SRPK2: variants seen among roughly 807,000 people sequenced by gnomAD.
SRPK2 encodes SFRS protein kinase 2.
Under a neutral mutation model 90.8 loss-of-function variants are expected in SRPK2, and 21 were observed. The observed-to-expected ratio is 0.23, with a 90% CI of 0.16 to 0.33. SRPK2 has a LOEUF of 0.33. Ranked by LOEUF, SRPK2 falls within the 10% of genes least tolerant of loss-of-function variation. The pLI is 1.00. For missense variants in SRPK2, 620 were observed against 869.0 expected (o/e 0.71, Z 3.60); for synonymous variants, 288 against 311.1 (o/e 0.93, Z 0.78).
chr7:105,396,123 C>T (rs1822314840), intron 1 of SRPK2, among the ~76,000 whole-genome samples: 1 of 151,876 alleles, frequency 6.6e-6, no homozygotes, highest in Non-Finnish European at 1.5e-5. Context: ...CCGTGTTGGA[C>T]AGGCTGGTCT....
chr7:105,267,975 G>A (rs1335515582), intron 2 of SRPK2, among the ~76,000 whole-genome samples: 1 of 152,006 alleles, frequency 6.6e-6, no homozygotes, highest in African/African-American at 2.4e-5. Context: ...GTATGCCCAG[G>A]AATCTCAATT....
rs1794348436 is a variant in SRPK2 at position 105,192,004 on chromosome 7, A to G, written c.229+11624T>C. Among the ~76,000 whole-genome samples, 3 of 150,168 alleles carry G rather than the reference A, an allele frequency of 2.0e-5. No homozygotes were observed. In the South Asian group the frequency reaches 6.3e-4, roughly 32 times the overall value. On this transcript the variant is annotated intron_variant, in intron 3 of 15. Transcript: ENST00000393651. ...GCTAGGATTACAGGTGTAAGCCACC[A>G]TGCCTGGTCCACTTATTCCTTTTAA...
At chr7:105,222,583 G>A (rs1798232715) in intron 2 of SRPK2, among the ~76,000 whole-genome samples, 1 of 152,168 alleles carries the variant, frequency 6.6e-6, no homozygotes, top group Non-Finnish European at 1.5e-5. Flanking sequence ...TATCTACTCT[G>A]AGCAGTGCTA....
intron 2 of SRPK2, among the ~76,000 whole-genome samples, chr7:105,347,812 G>A (rs544413747): frequency 3.1e-4 from 47 of 150,354 alleles, no homozygotes; most frequent in Admixed American, 5.3e-4. Flanking sequence ...AGCTGAGATG[G>A]CACCACTACA....
chr7:105,389,272 A>G, upstream of SRPK2: 2 of 1,273,100 alleles, frequency 1.6e-6, no homozygotes, highest in South Asian at 1.3e-5. Flanking sequence ...CCGCTGCTCC[A>G]TGCGCCCGTC....
intron 2 of SRPK2, among the ~76,000 whole-genome samples, chr7:105,264,576 C>T (rs1788621668): frequency 6.6e-6 from 1 of 151,964 alleles, no homozygotes; most frequent in South Asian, 2.1e-4. Context: ...GGCTAGCTAA[C>T]TGAAATGTTA....
At chr7:105,118,317 C>A (rs1562946998) in intron 15 of SRPK2, among the ~76,000 whole-genome samples, 1 of 152,162 alleles carries the variant, frequency 6.6e-6, no homozygotes, top group African/African-American at 2.4e-5. Context: ...AGAGTGTTTT[C>A]TTTTCCAAAG....
At chr7:105,319,513 G>A (rs1464841741) in intron 2 of SRPK2, among the ~76,000 whole-genome samples, 6 of 114,920 alleles carry the variant, frequency 5.2e-5, no homozygotes, top group African/African-American at 8.9e-5. Context: ...GCGGGGGGGG[G>A]GGGGGCGGTG....
chr7:105,325,100 C>G (rs1404668347), intron 2 of SRPK2, among the ~76,000 whole-genome samples: 1 of 152,092 alleles, frequency 6.6e-6, no homozygotes, highest in Non-Finnish European at 1.5e-5. Context: ...AGTCAACATC[C>G]TTAAACATAC....
Position 105,166,185 on chromosome 7 carries a change from T to C in SRPK2, c.514+1192A>G, listed in dbSNP as rs982087977. 3.9e-5 allele frequency among the ~76,000 whole-genome samples: 6 copies of C among 152,240 alleles called. No homozygotes were observed. The East Asian group carries it at 5.8e-4, about 15-fold the overall frequency. Reference sequence around the variant, plus strand: ...GATAATTTAAATACTCTGTGGATCATAGTCTAACAAGAAACAGAAAAATGT... The same window carrying C: ...GATAATTTAAATACTCTGTGGATCACAGTCTAACAAGAAACAGAAAAATGT... On this transcript the variant is annotated intron_variant, in intron 6 of 15. Transcript: ENST00000393651.
chr7:105,370,616 C>CTTTT (rs199888481), intron 2 of SRPK2, among the ~76,000 whole-genome samples: 6 of 129,970 alleles, frequency 4.6e-5, no homozygotes, highest in Non-Finnish European at 3.2e-5. Flanking sequence ...TTTTTTCTTT[C>CTTTT]TTTTTTTTTT....
At chr7:105,355,338 A>AGC (rs1563278408) in intron 2 of SRPK2, among the ~76,000 whole-genome samples, 2,377 of 152,140 alleles carry the variant, frequency 0.016, 64 homozygotes, top group African/African-American at 0.053. Flanking sequence ...TCTACGAAAA[A>AGC]AAAAAAATTT....
chr7:105,140,176 A>G (rs985471637), intron 11 of SRPK2, among the ~76,000 whole-genome samples: 2 of 152,076 alleles, frequency 1.3e-5, no homozygotes, highest in African/African-American at 4.8e-5. Flanking sequence ...CCCTCCAACT[A>G]TTTCCCACCT....
chr7:105,136,679 A>G (rs1459411142), intron 11 of SRPK2, among the ~76,000 whole-genome samples: 1 of 152,210 alleles, frequency 6.6e-6, no homozygotes, highest in Non-Finnish European at 1.5e-5. Flanking sequence ...TCACACGCAC[A>G]TAACACATGG....
At chr7:105,242,998 C>T (rs1801020518) in intron 2 of SRPK2, among the ~76,000 whole-genome samples, 2 of 152,152 alleles carry the variant, frequency 1.3e-5, no homozygotes, top group Non-Finnish European at 2.9e-5. Context: ...TCTTAACATT[C>T]TAATCGTTTT....
At chr7:105,185,171 G>C (rs1392502424) in intron 3 of SRPK2, among the ~76,000 whole-genome samples, 2 of 151,862 alleles carry the variant, frequency 1.3e-5, no homozygotes, top group African/African-American at 2.4e-5. Flanking sequence ...CTTAGAATGA[G>C]AAAGTCTTAG....
intron 2 of SRPK2, among the ~76,000 whole-genome samples, chr7:105,288,250 A>C (rs1285839552): frequency 2.6e-5 from 4 of 152,196 alleles, no homozygotes; most frequent in Non-Finnish European, 5.9e-5. Context: ...TTACAACATA[A>C]CAAAATTGCT....
intron 2 of SRPK2, among the ~76,000 whole-genome samples, chr7:105,283,389 CAT>C (rs1807600932): frequency 6.6e-6 from 1 of 152,134 alleles, no homozygotes; most frequent in African/African-American, 2.4e-5. Context: ...AGTGGGAACT[CAT>C]ATGTCCATCA....
intron 2 of SRPK2, among the ~76,000 whole-genome samples, chr7:105,308,347 A>T (rs2131353471): frequency 6.6e-6 from 1 of 152,228 alleles, no homozygotes; most frequent in African/African-American, 2.4e-5. Context: ...ACTCTAGAAA[A>T]CCCATTCTTG....
Sources: allele counts gnomAD v4.1 joint callset (sites outside exome capture counted in the v4.1 genomes callset), GRCh38; gene constraint gnomAD v4.1.1; transcripts MANE v1.5; gene names NCBI Gene and HGNC (gene_info 2026-07-23, HGNC 2026-07-21).